The following CERS6 variants were observed in gnomAD, a reference collection of about 807,000 sequenced individuals.
The protein encoded by CERS6 is LAG1 homolog, ceramide synthase 6.
A neutral mutation model predicts 56.8 loss-of-function variants in CERS6; 26 were observed. The observed-to-expected ratio is 0.46, with a 90% CI of 0.34 to 0.63. CERS6 has a LOEUF of 0.63. Among genes scored for constraint, CERS6 ranks in the 30% least tolerant of loss-of-function variants. The pLI is 0.01. For synonymous variants in CERS6, 164 were observed against 173.3 expected, an observed-to-expected ratio of 0.95 and a Z score of 0.42; for missense variants, 415 against 467.5, an observed-to-expected ratio of 0.89 and a Z score of 1.04.
At chr2:168,735,007 A>T (rs1683668779) in intron 8 of CERS6, among the ~76,000 whole-genome samples, 1 of 152,244 alleles carries the variant, frequency 6.6e-6, no homozygotes, top group East Asian at 1.9e-4. Context: ...AGAAATAAAT[A>T]TTAGGCCACA....
intron 3 of CERS6, among the ~76,000 whole-genome samples, chr2:168,628,023 C>T (rs977395373): frequency 8.5e-5 from 13 of 152,214 alleles, no homozygotes; most frequent in South Asian, 4.2e-4. Flanking sequence ...TTATCTTACC[C>T]GGCAGTCTTT....
intron 1 of CERS6, among the ~76,000 whole-genome samples, chr2:168,502,241 G>A (rs372945439): frequency 4.0e-5 from 6 of 151,582 alleles, no homozygotes; most frequent in African/African-American, 7.3e-5. Context: ...TGTTCGTTTG[G>A]ACCTTCCTAT....
At chr2:168,735,889 AAAAAAAAAAG>A (rs1683700664) in intron 8 of CERS6, among the ~76,000 whole-genome samples, 2 of 151,060 alleles carry the variant, frequency 1.3e-5, no homozygotes. Context: ...TCAAAAAAAA[AAAAAAAAAAG>A]AAAGAAAGAA....
At chr2:168,470,073 C>G (rs1693948814) in intron 1 of CERS6, among the ~76,000 whole-genome samples, 1 of 152,028 alleles carries the variant, frequency 6.6e-6, no homozygotes, top group African/African-American at 2.4e-5. Flanking sequence ...GTCACTCTAC[C>G]TGACTGCTCA....
At chr2:168,614,138 A>C (rs1684253719) in intron 3 of CERS6, among the ~76,000 whole-genome samples, 1 of 152,246 alleles carries the variant, frequency 6.6e-6, no homozygotes, top group South Asian at 2.1e-4. Flanking sequence ...GCATCTTCTC[A>C]AATAGAAAAT....
chr2:168,669,770 C>T (rs150567320), intron 4 of CERS6, among the ~76,000 whole-genome samples: 126 of 152,228 alleles, frequency 8.3e-4, no homozygotes, highest in African/African-American at 2.4e-3. Flanking sequence ...GTTATATACT[C>T]GCAGGTTACT....
At chr2:168,465,401 A>T (rs1693852790) in intron 1 of CERS6, among the ~76,000 whole-genome samples, 1 of 152,184 alleles carries the variant, frequency 6.6e-6, no homozygotes, top group Non-Finnish European at 1.5e-5. Flanking sequence ...CACTAAGGTC[A>T]CTAATCCTAT....
At chr2:168,762,882 A>G (rs1019041726) in intron 8 of CERS6, among the ~76,000 whole-genome samples, 1 of 126,650 alleles carries the variant, frequency 7.9e-6, no homozygotes, top group Non-Finnish European at 1.6e-5. Context: ...TTTTTCCTTT[A>G]TTTTTTTGAG....
intron 1 of CERS6, among the ~76,000 whole-genome samples, chr2:168,505,530 T>C (rs1328259356): frequency 1.3e-5 from 2 of 152,170 alleles, no homozygotes; most frequent in African/African-American, 2.4e-5. Context: ...TGATCAGTGC[T>C]GACTTAAAAG....
intron 4 of CERS6, among the ~76,000 whole-genome samples, chr2:168,678,278 G>A (rs1275767881): frequency 2.0e-5 from 3 of 152,048 alleles, no homozygotes; most frequent in Admixed American, 6.5e-5. Flanking sequence ...ATGGCCCTTC[G>A]CGAATCGCTG....
At chr2:168,463,722 A>G (rs1332316881) in intron 1 of CERS6, among the ~76,000 whole-genome samples, 1 of 152,182 alleles carries the variant, frequency 6.6e-6, no homozygotes, top group African/African-American at 2.4e-5. Flanking sequence ...AGCTGCGGCA[A>G]CATGGCAAAA....
intron 9 of CERS6, chr2:168,766,185 A>G: frequency 1.3e-6 from 1 of 741,532 alleles, no homozygotes; most frequent in Non-Finnish European, 2.3e-6. Context: ...TTTTGGTTAA[A>G]AGTGGACTTG....
chr2:168,613,373 A>G (rs1684233856), intron 3 of CERS6, among the ~76,000 whole-genome samples: 1 of 152,124 alleles, frequency 6.6e-6, no homozygotes. Context: ...AAGGCTGAGG[A>G]TGGAACCCCA....
In CERS6 at chr2:168,751,992, A is replaced by C. The variant is rs537678097; in HGVS notation, c.846-13600A>C. On this transcript the variant is annotated intron_variant, in intron 8 of 9. Coordinates refer to ENST00000305747, the MANE Select transcript of CERS6 (RefSeq NM_203463.3). ...GTCTGAGTCTCCTACAGTTATTTGT[A>C]AACTCTTTGAGTGTAGGTACCTAGT... is the stretch of plus-strand genomic sequence containing the variant. 3.9e-5 allele frequency among the ~76,000 whole-genome samples: 6 copies of C among 152,308 alleles called. No individual in the cohort carries two copies. The South Asian group carries it at 1.2e-3, about 32-fold the overall frequency.
chr2:168,754,157 G>T (rs144595237), intron 8 of CERS6, among the ~76,000 whole-genome samples: 1 of 152,112 alleles, frequency 6.6e-6, no homozygotes, highest in Non-Finnish European at 1.5e-5. Context: ...CTATGGGTCC[G>T]TGTCTCAGAG....
chr2:168,673,042 T>G (rs1202964634), intron 4 of CERS6, among the ~76,000 whole-genome samples: 2 of 152,260 alleles, frequency 1.3e-5, no homozygotes, highest in Non-Finnish European at 2.9e-5. Context: ...ACCAGTTGTC[T>G]TATTAGTATT....
intron 3 of CERS6, among the ~76,000 whole-genome samples, chr2:168,584,076 G>C (rs1221942914): frequency 6.6e-6 from 1 of 152,190 alleles, no homozygotes; most frequent in Non-Finnish European, 1.5e-5. Flanking sequence ...ACCCACGATA[G>C]GTAGTGAGAG....
intron 8 of CERS6, among the ~76,000 whole-genome samples, chr2:168,758,685 T>C (rs1574225425): frequency 1.3e-5 from 2 of 152,354 alleles, no homozygotes; most frequent in South Asian, 2.1e-4. Flanking sequence ...TGAAAGAATG[T>C]TCATCTAATT....
intron 1 of CERS6, among the ~76,000 whole-genome samples, chr2:168,541,469 AT>A (rs1695368289): frequency 7.3e-6 from 1 of 137,476 alleles, no homozygotes; most frequent in Admixed American, 7.1e-5. Flanking sequence ...TTATTTCTCC[AT>A]TTTTTCTTTC....
Sources: gnomAD v4.1 joint callset for allele counts (sites outside exome capture counted in the v4.1 genomes callset) on GRCh38, gnomAD v4.1.1 for gene constraint, MANE v1.5 for transcripts, NCBI Gene and HGNC (gene_info 2026-07-23, HGNC 2026-07-21) for gene names.